UNC79: variants seen among roughly 807,000 people sequenced by gnomAD.
The protein encoded by UNC79 is unc-79 subunit of NALCN channel complex.
In UNC79, 37 loss-of-function variants were observed where a neutral mutation model predicts 283.1. The observed-to-expected ratio is 0.13, with a 90% confidence interval of 0.10 to 0.17. UNC79 has a LOEUF of 0.17. UNC79 is among the 10% of genes least tolerant of loss of function. UNC79 has a pLI of 1.00. For missense variants in UNC79, 2,272 were observed against 3,211.1 expected (o/e 0.71, Z 7.07); for synonymous variants, 1,107 against 1,200.2 (o/e 0.92, Z 1.61).
rs117521565 is a variant in UNC79 at position 93,548,033 on chromosome 14, A to C, written c.1755+5337A>C. Among the ~76,000 whole-genome samples the C allele has an allele frequency of 3.5e-3, 531 of 152,162 alleles. 11 individuals are homozygous for C. In the South Asian group the frequency reaches 0.053, roughly 15 times the overall value. ...TCAAAAACAAAAACAAAAACAAAAA[A>C]AACACAGGAAATTATTCTGATAAGA... On this transcript the variant is annotated intron_variant, in intron 14 of 48. Transcript: ENST00000555664.
Position 93,668,424 on chromosome 14 carries a change from G to A in UNC79, c.6637-4927G>A, listed in dbSNP as rs375123559. Among the ~76,000 whole-genome samples the A allele has an allele frequency of 1.3e-3, 201 of 152,170 alleles. 1 individual carries two copies. In the South Asian group the frequency reaches 0.04, roughly 30 times the overall value. On this transcript the variant is annotated intron_variant, in intron 40 of 48. Transcript: ENST00000555664. Reference sequence around the variant, plus strand: ...CAAAAGATAAATCTATTAAGAATGTGCAATGGCTGGGTGTGGTGGCTCATG... The same window carrying A: ...CAAAAGATAAATCTATTAAGAATGTACAATGGCTGGGTGTGGTGGCTCATG...
chr14:93,643,823 A>AGCC, intron 34 of UNC79, 126 bp downstream of exon 37: 1 of 1,376,742 alleles, frequency 7.3e-7, no homozygotes, highest in Non-Finnish European at 9.8e-7. Context: ...TTGTGACATC[A>AGCC]ACTCAGACTA....
chr14:93,640,592 C>T (rs1457752376), intron 32 of UNC79, among the ~76,000 whole-genome samples: 1 of 152,188 alleles, frequency 6.6e-6, no homozygotes, highest in Non-Finnish European at 1.5e-5. Flanking sequence ...CACGCCACTG[C>T]ATTCCAACCA....
chr14:93,376,300 T>C (rs1417724310), intron 1 of UNC79, among the ~76,000 whole-genome samples: 1 of 152,192 alleles, frequency 6.6e-6, no homozygotes, highest in East Asian at 1.9e-4. Context: ...AGAACTATCT[T>C]ATAGAGATTT....
Position 93,529,282 on chromosome 14 carries a change from A to T in UNC79, c.1053-4A>T, listed in dbSNP as rs754097671. On this transcript the variant is annotated splice_polypyrimidine_tract_variant and splice_region_variant and intron_variant, in intron 9 of 48. Coordinates refer to ENST00000555664, the Ensembl canonical transcript of UNC79. ...TCAAAAATGAATTTTGTTTTTTTCA[A>T]TAGGGACCACAGTGAGTGGCTGATT... 6.2e-7 allele frequency: 1 copy of T among 1,613,176 alleles called. No homozygotes were observed. Among genetic ancestry groups the T allele is most frequent in the South Asian group, 1.1e-5 (1 of 90,842 alleles).
chr14:93,419,376 C>A (rs972456851), intron 1 of UNC79, among the ~76,000 whole-genome samples: 1 of 151,278 alleles, frequency 6.6e-6, no homozygotes, highest in Non-Finnish European at 1.5e-5. Context: ...ACCATCTTGG[C>A]CAGGCTCATC....
At chr14:93,654,614 CAT>C (rs931576396) in intron 37 of UNC79, among the ~76,000 whole-genome samples, 2 of 150,858 alleles carry the variant, frequency 1.3e-5, no homozygotes, top group Admixed American at 1.3e-4. Flanking sequence ...TAAAAATTAA[CAT>C]AATTTAAATT....
Position 93,688,746 on chromosome 14 carries a change from G to A in UNC79, c.6991G>A (p.Ala2331Thr). 6.2e-7 allele frequency: 1 copy of A among 1,614,048 alleles called. No individual in the cohort carries two copies. The stretch of plus-strand genomic sequence containing the variant: ...CAAAGTGGGGCTGGCCCAGATTGCA[G>A]CCATGGACATCTCACGGGGCAACCA... The change falls in exon 44 of 49, where the codon GCC becomes ACC. Residue 2331 changes from alanine to threonine, a missense_variant. Ala to Thr is a moderately conservative substitution (Grantham distance 58). Around this residue, in one of 11 missense-constraint regions of UNC79, gnomAD observed 225 missense variants for 334.2 expected, o/e 0.67. Transcript: ENST00000555664. The surrounding 1 kb of genome is among the most constrained non-coding windows in gnomAD (Gnocchi z 4.0).
chr14:93,560,555 C>T (rs1050871968), intron 14 of UNC79, among the ~76,000 whole-genome samples: 1 of 151,850 alleles, frequency 6.6e-6, no homozygotes, highest in Non-Finnish European at 1.5e-5. Context: ...ATAGTGGAGG[C>T]AGAAAGTCGT....
exon 30 of UNC79, chr14:93,622,185 CGAT>C: frequency 6.2e-7 from 1 of 1,614,120 alleles, no homozygotes; most frequent in South Asian, 1.1e-5. Flanking sequence ...GAAGAGGAGA[CGAT>C]GAACCAAGGC....
chr14:93,523,293 G>A (rs1469544790), intron 7 of UNC79, among the ~76,000 whole-genome samples: 1 of 152,140 alleles, frequency 6.6e-6, no homozygotes, highest in Non-Finnish European at 1.5e-5. Context: ...GACTAGCAGA[G>A]ATTTAATTGG....
In UNC79 at chr14:93,436,169, A is replaced by G. The variant is rs140231838; in HGVS notation, c.22+5118A>G. 6.4e-3 allele frequency among the ~76,000 whole-genome samples: 981 copies of G among 152,334 alleles called. 12 individuals are homozygous for G. Among genetic ancestry groups the G allele is most frequent in the Non-Finnish European group, 9.7e-3 (660 of 68,024 alleles). On this transcript the variant is annotated intron_variant, in intron 1 of 48. Transcript: ENST00000555664. ...TTTTATAAGGAAGGATTACATAACCAAGTGTTTGGATATCATTAATTTGAA... is the reference window on the plus strand; with the variant it reads ...TTTTATAAGGAAGGATTACATAACCGAGTGTTTGGATATCATTAATTTGAA...
chr14:93,706,174 A>G (rs1243254032), intron 48 of UNC79, among the ~76,000 whole-genome samples: 1 of 152,164 alleles, frequency 6.6e-6, no homozygotes, highest in Non-Finnish European at 1.5e-5. Context: ...CTATCATCCT[A>G]GCTTCTTCAT....
chr14:93,663,221 C>G (rs925053232), intron 40 of UNC79, among the ~76,000 whole-genome samples: 9 of 152,170 alleles, frequency 5.9e-5, no homozygotes, highest in African/African-American at 2.2e-4. Flanking sequence ...CTTTTGTCAT[C>G]TTGCCTTAAT....
intron 8 of UNC79, 146 bp from the exon 9 acceptor site, chr14:93,528,412 T>C: frequency 1.5e-6 from 1 of 667,746 alleles, no homozygotes; most frequent in Non-Finnish European, 2.5e-6. Flanking sequence ...GGGAGAAACA[T>C]TTATCGGTAA....
At chr14:93,641,211 A>G in exon 33 of UNC79, 10 of 1,613,624 alleles carry the variant, frequency 6.2e-6, no homozygotes, top group Non-Finnish European at 8.5e-6. Context: ...GCACCTGAAG[A>G]GTTCACTGAC....
intron 44 of UNC79, chr14:93,689,916 A>G (rs2074556715): frequency 5.1e-6 from 3 of 586,524 alleles, no homozygotes; most frequent in Non-Finnish European, 8.9e-6. Context: ...TCTTTTCTCA[A>G]GAAGCTGAGA....
At chr14:93,508,287 G>T (rs774926586) in intron 7 of UNC79, among the ~76,000 whole-genome samples, 17 of 151,992 alleles carry the variant, frequency 1.1e-4, no homozygotes, top group Non-Finnish European at 1.9e-4. Flanking sequence ...GGGAGGCCGA[G>T]GTGGGAGGGT....
intron 1 of UNC79, among the ~76,000 whole-genome samples, chr14:93,460,370 T>C (rs1310383599): frequency 6.6e-6 from 1 of 151,360 alleles, no homozygotes; most frequent in Non-Finnish European, 1.5e-5. Flanking sequence ...ATTAGTCGGG[T>C]GTGGTGGCGT....
Sources: gnomAD v4.1 joint callset for allele counts (sites outside exome capture counted in the v4.1 genomes callset) on GRCh38, gnomAD v4.1.1 for gene constraint, gnomAD v4.1.1 regional missense constraint, Gnocchi (gnomAD v3.1) non-coding constraint, MANE v1.5 for transcripts, NCBI Gene and HGNC (gene_info 2026-07-23, HGNC 2026-07-21) for gene names.